Variants in COL27A1 observed in about 807,000 individuals in gnomAD.
COL27A1 encodes the protein collagen type XXVII alpha 1 chain.
COL27A1 carries 106 observed loss-of-function variants against 251.3 expected under a neutral mutation model. The ratio of observed to expected loss-of-function variants is 0.42; its 90% CI spans 0.36 to 0.50. COL27A1 has a LOEUF of 0.50. COL27A1 is among the 20% of genes least tolerant of loss of function. The pLI, the probability that COL27A1 is intolerant of heterozygous loss-of-function variation, is 0.00. For synonymous variants in COL27A1, 1,000 were observed against 986.3 expected, an observed-to-expected ratio of 1.01 and a Z score of -0.26; for missense variants, 2,325 against 2,522.8, an observed-to-expected ratio of 0.92 and a Z score of 1.68.
Position 114,310,606 on chromosome 9 carries a change from C to G in COL27A1, c.5494C>G (p.Gln1832Glu). 6.2e-7 allele frequency: 1 copy of G among 1,614,216 alleles called. No homozygotes were observed. Among genetic ancestry groups the G allele is most frequent in the South Asian group, 1.1e-5 (1 of 91,078 alleles). ...CACCTTCCGGACCCAAGACCCCCAACAGCTGCCCATCATCAGTGTGGACAA... is the reference window on the plus strand; with the variant it reads ...CACCTTCCGGACCCAAGACCCCCAAGAGCTGCCCATCATCAGTGTGGACAA... ...LFTFRTQDPQQLPIISVDNLP... is the reference protein window; with the variant it reads ...LFTFRTQDPQELPIISVDNLP... The change falls in exon 61 of 61, where the codon CAG becomes GAG. Residue 1832 changes from glutamine (Q) to glutamate (E), a missense_variant. Coordinates refer to ENST00000356083, the MANE Select transcript of COL27A1 (RefSeq NM_032888.4).
At chr9:114,162,671 G>A (rs1848581197) in intron 1 of COL27A1, 44 bp from the exon 2 acceptor site, 4 of 1,406,900 alleles carry the variant, frequency 2.8e-6, no homozygotes, top group South Asian at 1.2e-5. Context: ...GGGTGTGAGG[G>A]GTGGAAGCTG....
In COL27A1 at chr9:114,165,894, C is replaced by A. The variant is rs1848811379; in HGVS notation, c.134-1795C>A. The stretch of plus-strand genomic sequence containing the variant: ...TCCATCCACCAATTCATCTACCTAT[C>A]TATCCATCAATTCATCCATCCACCC... On this transcript the variant is annotated intron_variant, in intron 2 of 60. Coordinates refer to ENST00000356083, the MANE Select transcript of COL27A1 (RefSeq NM_032888.4). 2.0e-5 allele frequency among the ~76,000 whole-genome samples: 3 copies of A among 151,248 alleles called. No homozygotes were observed. In the South Asian group the frequency reaches 6.3e-4, roughly 32 times the overall value.
intron 34 of COL27A1, among the ~76,000 whole-genome samples, chr9:114,268,155 A>G (rs1158547860): frequency 1.3e-5 from 2 of 152,086 alleles, no homozygotes. Flanking sequence ...ACCAATGAAG[A>G]AAACCACCCC....
Position 114,287,972 on chromosome 9 carries a change from G to A in COL27A1, c.3988-483G>A, listed in dbSNP as rs1185510865. On this transcript the variant is annotated intron_variant, in intron 41 of 60. Coordinates refer to ENST00000356083, the MANE Select transcript of COL27A1 (RefSeq NM_032888.4). ...GACTGGCCCAGAGCAGTGCCCATGCGTGCCAGCTGCTGGAGTTGGTGTTAC... is the reference window on the plus strand; with the variant it reads ...GACTGGCCCAGAGCAGTGCCCATGCATGCCAGCTGCTGGAGTTGGTGTTAC... Among the ~76,000 whole-genome samples the A allele has an allele frequency of 6.6e-5, 10 of 152,264 alleles. No individual in the cohort carries two copies. The East Asian group carries it at 7.7e-4, about 12-fold the overall frequency.
At chr9:114,258,959 G>C (rs979108253) in intron 28 of COL27A1, among the ~76,000 whole-genome samples, 1 of 152,232 alleles carries the variant, frequency 6.6e-6, no homozygotes, top group African/African-American at 2.4e-5. Flanking sequence ...GCCTGCCCTT[G>C]TGAGCCAGTC....
chr9:114,291,551 C>A (rs1487333033), intron 48 of COL27A1, among the ~76,000 whole-genome samples: 2 of 152,098 alleles, frequency 1.3e-5, no homozygotes, highest in Non-Finnish European at 2.9e-5. Flanking sequence ...GAGTTCGAGA[C>A]CAGCCCGGCC....
chr9:114,222,180 G>A, intron 13 of COL27A1, 43 bp from the exon 14 acceptor site: 3 of 1,592,052 alleles, frequency 1.9e-6, no homozygotes, highest in African/African-American at 1.3e-5. Flanking sequence ...GGCCCTGGAG[G>A]GAGATGGGAC....
intron 29 of COL27A1, among the ~76,000 whole-genome samples, 193 bp downstream of exon 29, chr9:114,264,601 A>G (rs527972902): frequency 6.6e-6 from 1 of 152,186 alleles, no homozygotes; most frequent in East Asian, 1.9e-4. Context: ...AATAAAGAGA[A>G]AGCAAGAAAG....
At chr9:114,199,845 C>T (rs576721230) in intron 7 of COL27A1, among the ~76,000 whole-genome samples, 132 of 152,294 alleles carry the variant, frequency 8.7e-4, no homozygotes, top group Middle Eastern at 3.4e-3. Context: ...GCAAGCCTCA[C>T]GAATTGATCT....
At position 114,202,865 on chromosome 9, in the gene COL27A1, T is replaced by C. The variant is rs141707395; in HGVS notation, c.2125-2237T>C. On this transcript the variant is annotated intron_variant, in intron 7 of 60. Transcript: ENST00000356083. ...CATCCCTCCCCAATGCCGTGTTCTC[T>C]GTCTGTAACTTTACTTCCTTTTCTT... 5.3e-5 allele frequency among the ~76,000 whole-genome samples: 8 copies of C among 152,318 alleles called. No individual in the cohort carries two copies. The East Asian group carries it at 9.7e-4, about 18-fold the overall frequency.
rs117863540 is a variant in COL27A1 at position 114,179,803 on chromosome 9, C to T, written c.1962+1459C>T. Among the ~76,000 whole-genome samples, 389 of 150,702 alleles carry T rather than the reference C, an allele frequency of 2.6e-3. 10 individuals are homozygous for T. The South Asian group carries it at 0.041, about 16-fold the overall frequency. On this transcript the variant is annotated intron_variant, in intron 4 of 60. Coordinates refer to ENST00000356083, the MANE Select transcript of COL27A1 (RefSeq NM_032888.4). ...GTAAATGGCAGAGCCAGGATTGAAC[C>T]CAGGCAGTCTGCCTCCAGAGCCTAC...
chr9:114,303,396 G>A (rs1248976851), intron 56 of COL27A1, among the ~76,000 whole-genome samples: 2 of 151,772 alleles, frequency 1.3e-5, no homozygotes, highest in African/African-American at 2.4e-5. Context: ...GAACCACCAC[G>A]CACAGCTAAT....
chr9:114,291,216 A>C (rs1191721349), intron 48 of COL27A1, among the ~76,000 whole-genome samples: 2 of 152,164 alleles, frequency 1.3e-5, no homozygotes, highest in Non-Finnish European at 2.9e-5. Flanking sequence ...CGTTGCTTGC[A>C]GCCGGGATCC....
chr9:114,264,319 G>A (rs367609372), intron 28 of COL27A1, 36 bp from the exon 29 acceptor site: 8 of 1,533,550 alleles, frequency 5.2e-6, no homozygotes, highest in Non-Finnish European at 6.2e-6. Context: ...GGAGACCCCT[G>A]CTGTCCGGTG....
At chr9:114,227,051 G>A (rs933699924) in intron 14 of COL27A1, among the ~76,000 whole-genome samples, 3 of 152,192 alleles carry the variant, frequency 2.0e-5, no homozygotes, top group Admixed American at 6.5e-5. Flanking sequence ...GGCACTCCGG[G>A]TATAGGAAAC....
intron 34 of COL27A1, 35 bp downstream of exon 34, chr9:114,267,592 T>A (rs1235224784): frequency 1.3e-6 from 2 of 1,583,362 alleles, no homozygotes; most frequent in Non-Finnish European, 1.7e-6. Context: ...AAATGACTTG[T>A]TGAAACCAGC....
intron 5 of COL27A1, among the ~76,000 whole-genome samples, chr9:114,183,761 G>T (rs1261124210): frequency 2.6e-5 from 4 of 152,128 alleles, no homozygotes; most frequent in Admixed American, 2.0e-4. Context: ...ACTCAGGATT[G>T]CTCTGAGCTG....
intron 21 of COL27A1, 67 bp from the exon 22 acceptor site, chr9:114,242,120 A>G (rs1354903337): frequency 4.3e-6 from 6 of 1,392,194 alleles, no homozygotes; most frequent in Non-Finnish European, 5.9e-6. Context: ...CATACAGGAC[A>G]AGATCTCTGC....
intron 3 of COL27A1, among the ~76,000 whole-genome samples, 182 bp downstream of exon 3, chr9:114,169,645 C>T (rs1849170335): frequency 6.6e-6 from 1 of 152,234 alleles, no homozygotes. Flanking sequence ...TGCATCATTG[C>T]CCACCCTGCT....
Sources: gnomAD v4.1 joint callset for allele counts (sites outside exome capture counted in the v4.1 genomes callset) on GRCh38, gnomAD v4.1.1 for gene constraint, MANE v1.5 for transcripts, NCBI Gene and HGNC (gene_info 2026-07-23, HGNC 2026-07-21) for gene names.